SPMIP2: variants seen among roughly 807,000 people sequenced by gnomAD.
The protein encoded by SPMIP2 is protein SPMIP2.
the SPMIP2 span, among the ~76,000 whole-genome samples, chr4:158,927,829 AG>A: frequency 6.7e-6 from 1 of 149,992 alleles, no homozygotes; most frequent in African/African-American, 2.5e-5. Flanking sequence ...CCGGGCAATG[AG>A]GGGCTTAGCA....
the SPMIP2 span, among the ~76,000 whole-genome samples, chr4:158,935,555 T>C: frequency 2.6e-5 from 4 of 152,212 alleles, no homozygotes; most frequent in Non-Finnish European, 5.9e-5. Context: ...CTTGTTTCTC[T>C]AATGATACAA....
the SPMIP2 span, among the ~76,000 whole-genome samples, chr4:159,004,396 T>G: frequency 7.1e-6 from 1 of 140,838 alleles, no homozygotes. Flanking sequence ...GTTCAAGCAA[T>G]TCTCCTGTGT....
chr4:159,036,201 T>G, the SPMIP2 span, among the ~76,000 whole-genome samples: 1 of 152,214 alleles, frequency 6.6e-6, no homozygotes, highest in Non-Finnish European at 1.5e-5. Flanking sequence ...TTGAGAATTA[T>G]AAGAAAAACA....
At chr4:158,964,182 C>A in the SPMIP2 span, among the ~76,000 whole-genome samples, 287 of 37,430 alleles carry the variant, frequency 7.7e-3, 5 homozygotes, top group East Asian at 0.033. Context: ...CAAAACAAAA[C>A]AAAACAAAAA....
At chr4:159,027,465 A>G in the SPMIP2 span, among the ~76,000 whole-genome samples, 6 of 152,348 alleles carry the variant, frequency 3.9e-5, no homozygotes, top group South Asian at 1.2e-3. Flanking sequence ...ATGCTATGAC[A>G]ACAGAATAAA....
At chr4:159,076,947 T>C in the SPMIP2 span, among the ~76,000 whole-genome samples, 30 of 152,096 alleles carry the variant, frequency 2.0e-4, no homozygotes, top group Non-Finnish European at 1.5e-4. Context: ...CCGATTCTCC[T>C]GCCTCAGCCT....
chr4:159,055,570 C>T, the SPMIP2 span, among the ~76,000 whole-genome samples: 2 of 151,908 alleles, frequency 1.3e-5, no homozygotes, highest in East Asian at 1.9e-4. Context: ...ATTAGCTGGG[C>T]GTGGTGGTGT....
the SPMIP2 span, among the ~76,000 whole-genome samples, chr4:158,911,380 A>AAATAAATAAATG: frequency 2.2e-5 from 3 of 135,392 alleles, no homozygotes; most frequent in Non-Finnish European, 4.5e-5. Context: ...ATAAATAAAT[A>AAATAAATAAATG]AATAAAATAA....
At chr4:158,944,295 C>G in the SPMIP2 span, among the ~76,000 whole-genome samples, 1 of 152,054 alleles carries the variant, frequency 6.6e-6, no homozygotes, top group Non-Finnish European at 1.5e-5. Flanking sequence ...GTTCTCTTCT[C>G]ACCAAGTCTC....
the SPMIP2 span, among the ~76,000 whole-genome samples, chr4:158,908,234 TG>T: frequency 1.3e-5 from 2 of 152,124 alleles, no homozygotes; most frequent in Non-Finnish European, 2.9e-5. Flanking sequence ...ACAGAGAGGC[TG>T]GGGGCTCAGA....
the SPMIP2 span, among the ~76,000 whole-genome samples, chr4:158,926,689 T>C: frequency 3.3e-5 from 5 of 152,234 alleles, no homozygotes; most frequent in Non-Finnish European, 5.9e-5. Flanking sequence ...AGTTGGTTTA[T>C]TGTGTTGTTC....
At chr4:158,956,020 A>G in the SPMIP2 span, among the ~76,000 whole-genome samples, 1 of 152,080 alleles carries the variant, frequency 6.6e-6, no homozygotes, top group Non-Finnish European at 1.5e-5. Flanking sequence ...ACCTCTAAAC[A>G]TTTGTCTGCT....
At chr4:158,975,417 T>A in the SPMIP2 span, among the ~76,000 whole-genome samples, 2 of 152,186 alleles carry the variant, frequency 1.3e-5, no homozygotes, top group Admixed American at 1.3e-4. Flanking sequence ...TCTTCTAGGG[T>A]TTTTATGGTT....
the SPMIP2 span, among the ~76,000 whole-genome samples, chr4:158,936,245 CTGTT>C: frequency 7.2e-5 from 11 of 152,306 alleles, no homozygotes; most frequent in South Asian, 2.1e-4. Flanking sequence ...AAGAAAATCA[CTGTT>C]TGTTTGAGTT....
chr4:158,985,719 G>C, the SPMIP2 span, among the ~76,000 whole-genome samples: 2 of 150,962 alleles, frequency 1.3e-5, no homozygotes, highest in African/African-American at 5.0e-5. Context: ...TTTGAAAACT[G>C]GCACAAGACA....
At chr4:159,015,110 G>A in the SPMIP2 span, among the ~76,000 whole-genome samples, 20 of 152,266 alleles carry the variant, frequency 1.3e-4, no homozygotes, top group South Asian at 2.5e-3. Flanking sequence ...TAACAATATC[G>A]TCAGATGTTG....
the SPMIP2 span, among the ~76,000 whole-genome samples, chr4:159,042,806 G>C: frequency 6.6e-6 from 1 of 152,014 alleles, no homozygotes; most frequent in Non-Finnish European, 1.5e-5. Context: ...GGGACTACAG[G>C]CATGCACCAC....
the SPMIP2 span, among the ~76,000 whole-genome samples, chr4:159,076,467 C>T: frequency 1.3e-5 from 2 of 152,074 alleles, no homozygotes; most frequent in Admixed American, 6.6e-5. Context: ...ACCAGCATAT[C>T]ATGAAAAAAC....
chr4:158,985,780 C>T, the SPMIP2 span, among the ~76,000 whole-genome samples: 1 of 152,034 alleles, frequency 6.6e-6, no homozygotes, highest in African/African-American at 2.4e-5. Flanking sequence ...GAAGTTCTGG[C>T]CAGGGCAATT....
Sources: allele counts gnomAD v4.1 joint callset (sites outside exome capture counted in the v4.1 genomes callset), GRCh38; gene constraint gnomAD v4.1.1; transcripts MANE v1.5; gene names NCBI Gene and HGNC (gene_info 2026-07-23, HGNC 2026-07-21).